LONP1: variants seen among roughly 807,000 people sequenced by gnomAD.
The protein encoded by LONP1 is lon peptidase 1, mitochondrial.
A neutral mutation model predicts 98.5 loss-of-function variants in LONP1; 31 were observed. The observed-to-expected ratio is 0.31, with a 90% CI of 0.24 to 0.42. The LOEUF (loss-of-function observed/expected upper bound fraction) is 0.42. LONP1 is among the 20% of genes least tolerant of loss of function. The pLI, the probability that LONP1 is intolerant of heterozygous loss-of-function variation, is 1.00. For missense variants in LONP1, 1,336 were observed against 1,350.6 expected (o/e 0.99, Z 0.17); for synonymous variants, 781 against 594.7 (o/e 1.31, Z -4.56).
In LONP1 at chr19:5,693,368, G is replaced by C; in HGVS notation, c.2633C>G (p.Ala878Gly). 1 of 1,613,416 alleles carries C rather than the reference G, an allele frequency of 6.2e-7. No homozygotes were observed. Among genetic ancestry groups the C allele is most frequent in the South Asian group, 1.1e-5 (1 of 91,086 alleles). Reference sequence around the variant, plus strand: ...CGTGAGGGAGACTTCGCCAGTCATGGCCAGATTCTGCCGGACAGGCCTGCC... The same window carrying C: ...CGTGAGGGAGACTTCGCCAGTCATGCCCAGATTCTGCCGGACAGGCCTGCC... ...AMGRPVRQNL[A>G]MTGEVSLTGK... Residue 878 changes from alanine to glycine, a missense_variant, in exon 17 of 18, where the codon GCC (alanine) becomes GGC (glycine). Around this residue, in one of 5 missense-constraint regions of LONP1, gnomAD observed 555 missense variants for 542.6 expected, o/e 1.02. Transcript: ENST00000360614.
At chr19:5,692,623 A>G (rs751441570) in intron 17 of LONP1, among the ~76,000 whole-genome samples, 10 of 152,138 alleles carry the variant, frequency 6.6e-5, no homozygotes, top group African/African-American at 1.2e-4. Flanking sequence ...GAGGCTACAC[A>G]TATCTGGAGT....
At chr19:5,714,043 G>T in intron 2 of LONP1, 140 bp downstream of exon 2, 1 of 610,320 alleles carries the variant, frequency 1.6e-6, no homozygotes, top group Non-Finnish European at 2.9e-6. Flanking sequence ...TAGCCTGCGT[G>T]GCTTCTGGCC....
At chr19:5,717,879 TTTTC>T (rs1366573819) in intron 1 of LONP1, among the ~76,000 whole-genome samples, 107 of 147,826 alleles carry the variant, frequency 7.2e-4, no homozygotes, top group East Asian at 2.6e-3. Context: ...TGTGCCCGGC[TTTTC>T]TTTCTTTCTT....
chr19:5,719,241 A>G (rs2055382150), intron 1 of LONP1, among the ~76,000 whole-genome samples: 1 of 152,170 alleles, frequency 6.6e-6, no homozygotes, highest in Admixed American at 6.6e-5. Flanking sequence ...ATATCCCCAG[A>G]ACCTAGAACA....
Position 5,696,778 on chromosome 19 carries a change from C to CA in LONP1, c.1686-22dup, listed in dbSNP as rs761338260. On this transcript the variant is annotated intron_variant, in intron 10 of 17. Coordinates refer to ENST00000360614, the MANE Select transcript of LONP1 (RefSeq NM_004793.4). Reference sequence around the variant, plus strand: ...TCCGCCTGTGGGTGCACAGCGGGGTCAGAGGTCACTTGGTAGCCTGGCTCG... The same window carrying CA: ...TCCGCCTGTGGGTGCACAGCGGGGTCAAGAGGTCACTTGGTAGCCTGGCTCG... 3.2e-6 allele frequency: 5 copies of CA among 1,576,176 alleles called. No individual in the cohort carries two copies. The Admixed American group carries it at 8.4e-5, about 26-fold the overall frequency.
At chr19:5,707,878 A>G in intron 5 of LONP1, 52 bp from the exon 6 acceptor site, 1 of 1,600,976 alleles carries the variant, frequency 6.2e-7, no homozygotes, top group Non-Finnish European at 8.5e-7. Context: ...GCTCTGCTGC[A>G]GTGCAGCCCC....
chr19:5,707,511 G>A (rs1470990478), intron 6 of LONP1, among the ~76,000 whole-genome samples, 186 bp downstream of exon 6: 2 of 152,204 alleles, frequency 1.3e-5, no homozygotes, highest in African/African-American at 4.8e-5. Context: ...AAGACACGCA[G>A]CGGGAAATCA....
intron 1 of LONP1, among the ~76,000 whole-genome samples, chr19:5,716,299 T>TATATATATATATATATAG (rs2055322178): frequency 8.2e-6 from 1 of 122,148 alleles, no homozygotes; most frequent in Non-Finnish European, 1.7e-5. Flanking sequence ...TATATATATA[T>TATATATATATATATATAG]AGTAATGGCC....
intron 4 of LONP1, among the ~76,000 whole-genome samples, chr19:5,709,907 C>CAAAAAAAAAAAAAAA (rs755774542): frequency 1.7e-3 from 67 of 38,668 alleles, no homozygotes; most frequent in Non-Finnish European, 2.3e-3. Flanking sequence ...GGCTCCATCT[C>CAAAAAAAAAAAAAAA]AAAAAAAAAA....
chr19:5,699,859 CTGACTCCTGTTTTTTAACCTT>C (rs1167420850), intron 9 of LONP1, among the ~76,000 whole-genome samples: 1 of 151,996 alleles, frequency 6.6e-6, no homozygotes, highest in African/African-American at 2.4e-5. Flanking sequence ...TGCCCAGGCT[CTGACTCCTGTTTTTTAACCTT>C]TGACTCCCAC....
chr19:5,716,300 AGTAAT>A, intron 1 of LONP1, among the ~76,000 whole-genome samples: 1 of 118,652 alleles, frequency 8.4e-6, no homozygotes, highest in South Asian at 2.8e-4. Flanking sequence ...ATATATATAT[AGTAAT>A]GGCCCTCAAA....
At position 5,699,193 on chromosome 19, in the gene LONP1, C is replaced by T. The variant is rs143983421; in HGVS notation, c.1519G>A (p.Val507Ile). The T allele has an allele frequency of 2.2e-5, 33 of 1,502,338 alleles. No individual in the cohort carries two copies. The highest frequency in any genetic ancestry group is 1.7e-4 in the African/African-American group (12 of 70,958). 93.1% of individuals were successfully genotyped at this position (1,502,338 alleles called of 1,614,324 possible). A position where few individuals can be genotyped will look rare whatever the true frequency, so the allele number is the denominator to read the frequency against. ...TGGGTGGAGCCGCGGAGCTGGCTAA[C>T]GGCAATGAACTCCTGCAGACAGAGG... ...VKKRILEFIAVSQLRGSTQGK... is the reference protein window; with the variant it reads ...VKKRILEFIAISQLRGSTQGK... Residue 507 changes from valine to isoleucine, a missense_variant, in exon 10 of 18, where the codon GTT (valine) becomes ATT (isoleucine). Val to Ile is a conservative substitution (Grantham distance 29, BLOSUM62 3). Around this residue, in one of 5 missense-constraint regions of LONP1, gnomAD observed 219 missense variants for 241.0 expected, o/e 0.91. Coordinates refer to ENST00000360614, the MANE Select transcript of LONP1 (RefSeq NM_004793.4).
intron 6 of LONP1, 112 bp downstream of exon 6, chr19:5,707,585 C>T: frequency 8.6e-7 from 1 of 1,164,048 alleles, no homozygotes; most frequent in Non-Finnish European, 1.2e-6. Context: ...GGGACAAGGG[C>T]AGCCAGGCAT....
chr19:5,694,808 A>T lies in LONP1; in HGVS notation c.2107T>A (p.Tyr703Asn), dbSNP rs751463761. The change falls in exon 14 of 18, where the codon TAC becomes AAC. Residue 703 changes from tyrosine (Y) to asparagine (N), a missense_variant. This residue lies in a region of LONP1 where 555 missense variants were observed against 542.6 expected (regional missense o/e 1.02). Transcript: ENST00000360614. ...TTGCGGACACCGCTCTCGCGGCAGT[A>T]CTGCTTGATGAGCAGCGTCAGCACG... ...SDVLTLLIKQ[Y>N]CRESGVRNLQ... The T allele has an allele frequency of 3.1e-6, 5 of 1,600,112 alleles. No homozygotes were observed. The highest frequency in any genetic ancestry group is 4.3e-6 in the Non-Finnish European group (5 of 1,169,518).
intron 8 of LONP1, among the ~76,000 whole-genome samples, chr19:5,703,405 G>A (rs2055092266): frequency 6.6e-6 from 1 of 152,060 alleles, no homozygotes; most frequent in Non-Finnish European, 1.5e-5. Flanking sequence ...TCCCCTGCCG[G>A]GAGAGTGACG....
chr19:5,705,918 C>G lies in LONP1; in HGVS notation c.1221G>C (p.Leu407=). Residue 407 remains leucine, a synonymous_variant, in exon 8 of 18, where the codon CTG becomes CTC. Coordinates refer to ENST00000360614, the MANE Select transcript of LONP1 (RefSeq NM_004793.4). ...CATCCTTGTCGTCCTTCTCCAGGCC[C>G]AGCTCCTTCTTGATGATCTTTAGCT... ...QEQLKIIKKE[L]GLEKDDKDAI... The G allele has an allele frequency of 6.2e-7, 1 of 1,614,154 alleles. No individual in the cohort carries two copies. The highest frequency in any genetic ancestry group is 8.5e-7 in the Non-Finnish European group (1 of 1,180,036).
At chr19:5,712,138 GTCC>G (rs951797623) in intron 3 of LONP1, 136 bp from the exon 4 acceptor site, 1 of 681,226 alleles carries the variant, frequency 1.5e-6, no homozygotes, top group African/African-American at 1.8e-5. Flanking sequence ...TGGCTACAGG[GTCC>G]TCAAGCTGGA....
chr19:5,693,147 T>TC, intron 17 of LONP1, 151 bp downstream of exon 17: 1 of 945,744 alleles, frequency 1.1e-6, no homozygotes, highest in South Asian at 1.7e-5. Context: ...GGCGGTGAGC[T>TC]TAAGGCCAGC....
At chr19:5,699,747 G>A (rs2055008015) in intron 9 of LONP1, among the ~76,000 whole-genome samples, 1 of 151,162 alleles carries the variant, frequency 6.6e-6, no homozygotes, top group South Asian at 2.1e-4. Flanking sequence ...TTTAGTAGAG[G>A]CGAGGTTTCA....
Sources: allele counts gnomAD v4.1 joint callset (sites outside exome capture counted in the v4.1 genomes callset), GRCh38; gene constraint gnomAD v4.1.1; regional missense constraint gnomAD v4.1.1; transcripts MANE v1.5; gene names NCBI Gene and HGNC (gene_info 2026-07-23, HGNC 2026-07-21).